The following ZNF536 variants were observed in gnomAD, a reference collection of about 807,000 sequenced individuals.
The protein encoded by ZNF536 is zinc finger protein 536.
ZNF536 carries 13 observed loss-of-function variants against 84.5 expected under a neutral mutation model. The ratio of observed to expected loss-of-function variants is 0.15; its 90% CI spans 0.10 to 0.24. The LOEUF (loss-of-function observed/expected upper bound fraction) is 0.24. Ranked by LOEUF, ZNF536 falls within the 10% of genes least tolerant of loss-of-function variation. ZNF536 has a pLI of 1.00. For missense variants in ZNF536, 1,536 were observed against 1,747.5 expected (o/e 0.88, Z 2.16); for synonymous variants, 811 against 742.5 (o/e 1.09, Z -1.50).
intron 1 of ZNF536, among the ~76,000 whole-genome samples, chr19:30,700,197 T>TTTCCTTCC (rs770286597): frequency 3.8e-5 from 5 of 131,726 alleles, no homozygotes; most frequent in African/African-American, 1.5e-4. Flanking sequence ...TCCTTCTTTC[T>TTTCCTTCC]TTCCTTCTTT....
In ZNF536 at chr19:30,444,994, C is replaced by T. The variant is rs1568437146; in HGVS notation, c.1432C>T (p.His478Tyr). ...GCTGTCTCCCATCTCCAGCATGGCC[C>T]ACGGCGTCCCGGAGGGGGACAAGCA... Reference protein sequence around the residue: ...KLLSPISSMAHGVPEGDKHSL... With the variant: ...KLLSPISSMAYGVPEGDKHSL... Residue 478 changes from histidine to tyrosine, a missense_variant, in exon 2 of 5, where the codon CAC becomes TAC. Physicochemically the swap from His to Tyr is moderately conservative, Grantham distance 83. Coordinates refer to ENST00000355537, the MANE Select transcript of ZNF536 (RefSeq NM_014717.3). The T allele has an allele frequency of 1.2e-6, 2 of 1,611,202 alleles. No homozygotes were observed. Among genetic ancestry groups the T allele is most frequent in the Non-Finnish European group, 8.5e-7 (1 of 1,178,680 alleles).
At position 30,445,375 on chromosome 19, in the gene ZNF536, C is replaced by A. The variant is rs141248439; in HGVS notation, c.1813C>A (p.Arg605=). ...PSKLDPLESS[R]DFLSHGLNQT... ...TAAGCTCGACCCTTTAGAAAGCAGT[C>A]GGGATTTTTTGTCACACGGGCTGAA... The change falls in exon 2 of 5, where the codon CGG becomes AGG. Residue 605 remains arginine (R), a synonymous_variant. Coordinates refer to ENST00000355537, the MANE Select transcript of ZNF536 (RefSeq NM_014717.3). This position sits in a 1 kb window ranked among gnomAD's most constrained non-coding sequence, Gnocchi z 4.5. 1 of 1,614,116 alleles carries A rather than the reference C, an allele frequency of 6.2e-7. No individual in the cohort carries two copies. The highest frequency in any genetic ancestry group is 8.5e-7 in the Non-Finnish European group (1 of 1,180,028).
chr19:30,528,499 T>A (rs2044679827), intron 2 of ZNF536, among the ~76,000 whole-genome samples: 1 of 152,172 alleles, frequency 6.6e-6, no homozygotes, highest in Non-Finnish European at 1.5e-5. Flanking sequence ...TCTTAGTCAA[T>A]TTCTGACCTT....
At chr19:30,268,406 G>A (rs1271743633) in intron 1 of ZNF536, among the ~76,000 whole-genome samples, 1 of 152,098 alleles carries the variant, frequency 6.6e-6, no homozygotes, top group Non-Finnish European at 1.5e-5. Context: ...ACCTATATAA[G>A]GGTATAGTCC....
intron 3 of ZNF536, among the ~76,000 whole-genome samples, chr19:30,360,629 C>T (rs2048243750): frequency 6.6e-6 from 1 of 152,174 alleles, no homozygotes; most frequent in South Asian, 2.1e-4. Flanking sequence ...GTCGGTCTGA[C>T]GCGGTCAGAA....
intron 3 of ZNF536, among the ~76,000 whole-genome samples, chr19:30,353,874 G>A (rs1234426862): frequency 6.6e-6 from 1 of 152,188 alleles, no homozygotes; most frequent in Non-Finnish European, 1.5e-5. Flanking sequence ...AGTTTTGGAA[G>A]GCCCAGTTTA....
intron 2 of ZNF536, among the ~76,000 whole-genome samples, chr19:30,328,616 A>C (rs1282444265): frequency 6.6e-6 from 1 of 152,246 alleles, no homozygotes; most frequent in Non-Finnish European, 1.5e-5. Context: ...TAATGCAAAT[A>C]GTTATTTGTA....
At chr19:30,563,946 C>T (rs1315656526) in intron 1 of ZNF536, among the ~76,000 whole-genome samples, 2 of 152,156 alleles carry the variant, frequency 1.3e-5, no homozygotes, top group Non-Finnish European at 2.9e-5. Context: ...GTCAAGGTGT[C>T]TCTGGGATGG....
intron 2 of ZNF536, among the ~76,000 whole-genome samples, chr19:30,467,221 C>G (rs2053450078): frequency 1.3e-5 from 2 of 152,184 alleles, no homozygotes; most frequent in Admixed American, 1.3e-4. Flanking sequence ...TCCATAGAAC[C>G]CTTCTCCTCT....
chr19:30,238,833 AT>A (rs71171796), intron 1 of ZNF536, among the ~76,000 whole-genome samples: 175 of 89,320 alleles, frequency 2.0e-3, no homozygotes, highest in South Asian at 4.0e-3. Context: ...TAAAAAAAAA[AT>A]ATATATATAC....
intron 1 of ZNF536, among the ~76,000 whole-genome samples, chr19:30,621,297 T>C (rs2048472992): frequency 6.6e-6 from 1 of 152,142 alleles, no homozygotes; most frequent in Admixed American, 6.5e-5. Flanking sequence ...TCATAGATCA[T>C]TACAGATGCT....
At chr19:30,339,839 T>A (rs1342048988) in intron 2 of ZNF536, among the ~76,000 whole-genome samples, 1 of 152,146 alleles carries the variant, frequency 6.6e-6, no homozygotes, top group African/African-American at 2.4e-5. Context: ...GAGGCTGCCT[T>A]CTTCTGGAAG....
chr19:30,325,023 T>C (rs1311039507), intron 2 of ZNF536, among the ~76,000 whole-genome samples: 1 of 152,154 alleles, frequency 6.6e-6, no homozygotes, highest in Non-Finnish European at 1.5e-5. Flanking sequence ...GTGCTCTTGT[T>C]CTAGAACCAT....
At chr19:30,476,989 A>G (rs1470416374) in intron 2 of ZNF536, among the ~76,000 whole-genome samples, 1 of 151,468 alleles carries the variant, frequency 6.6e-6, no homozygotes. Flanking sequence ...GGGTCTTGCT[A>G]TGTTGTCCAG....
At chr19:30,297,913 C>CCCG (rs2046057920) in intron 2 of ZNF536, among the ~76,000 whole-genome samples, 1 of 141,706 alleles carries the variant, frequency 7.1e-6, no homozygotes, top group African/African-American at 2.8e-5. Context: ...TCCCCCCCCC[C>CCCG]TCTGTCGCCC....
chr19:30,675,543 A>G (rs1295525254), intron 1 of ZNF536, among the ~76,000 whole-genome samples: 5 of 152,234 alleles, frequency 3.3e-5, no homozygotes, highest in Admixed American at 6.5e-5. Flanking sequence ...CCCATGGCTT[A>G]TCACGAAAGG....
chr19:30,434,311 C>A (rs530762477), intron 1 of ZNF536, among the ~76,000 whole-genome samples: 6 of 152,204 alleles, frequency 3.9e-5, no homozygotes, highest in Non-Finnish European at 8.8e-5. Context: ...TACATTTCTC[C>A]GTCTGCAGTG....
intron 3 of ZNF536, among the ~76,000 whole-genome samples, chr19:30,546,004 A>T (rs537511029): frequency 6.6e-6 from 1 of 152,298 alleles, no homozygotes; most frequent in South Asian, 2.1e-4. Flanking sequence ...TCTCACTCGT[A>T]GGGCAGGATC....
intron 1 of ZNF536, among the ~76,000 whole-genome samples, chr19:30,416,684 G>A (rs2050748104): frequency 6.6e-6 from 1 of 152,068 alleles, no homozygotes; most frequent in Admixed American, 6.6e-5. Flanking sequence ...CCTAGTGGGT[G>A]GCCCTTTCAT....
Sources: gnomAD v4.1 joint callset for allele counts (sites outside exome capture counted in the v4.1 genomes callset) on GRCh38, gnomAD v4.1.1 for gene constraint, Gnocchi (gnomAD v3.1) non-coding constraint, MANE v1.5 for transcripts, NCBI Gene and HGNC (gene_info 2026-07-23, HGNC 2026-07-21) for gene names.